Variants in USF3 observed in about 807,000 individuals in gnomAD.
USF3 encodes basic helix-loop-helix domain-containing protein USF3.
Under a neutral mutation model 157.5 loss-of-function variants are expected in USF3, and 29 were observed. That is an observed-to-expected ratio of 0.18 (90% confidence interval 0.14 to 0.25). The LOEUF (loss-of-function observed/expected upper bound fraction) is 0.25. USF3 is among the 10% of genes least tolerant of loss of function. The probability of loss-of-function intolerance (pLI) is 1.00; values close to 1 mark genes in which losing one functional copy is unlikely to be tolerated. For missense variants in USF3, 2,381 were observed against 2,667.6 expected (o/e 0.89, Z 2.37); for synonymous variants, 893 against 941.4 (o/e 0.95, Z 0.94).
At chr3:113,681,393 CCTT>C (rs899102761) in intron 1 of USF3, among the ~76,000 whole-genome samples, 15 of 152,014 alleles carry the variant, frequency 9.9e-5, no homozygotes, top group Admixed American at 3.9e-4. Flanking sequence ...TTTTTAATTT[CCTT>C]CTTAATTTGT....
chr3:113,657,888 T>C lies in USF3; in HGVS notation c.3794A>G (p.Glu1265Gly). 2.5e-6 allele frequency: 4 copies of C among 1,614,186 alleles called. No homozygotes were observed. The highest frequency in any genetic ancestry group is 3.4e-6 in the Non-Finnish European group (4 of 1,180,026). ...ASCAGLSPTS[E>G]QTTVPATVNL... The stretch of plus-strand genomic sequence containing the variant: ...AACCGTTGCAGGCACAGTTGTTTGC[T>C]CTGAAGTTGGGGATAAACCCGCACA... Residue 1265 changes from glutamate (E) to glycine (G), a missense_variant, in exon 7 of 7, where the codon GAG (glutamate) becomes GGG (glycine). Glu to Gly is a moderately conservative substitution (Grantham distance 98). This residue lies in a region of USF3 where 1,435 missense variants were observed against 1,550.9 expected (regional missense o/e 0.93). Transcript: ENST00000316407.
At chr3:113,682,090 G>C (rs1295111840) in intron 1 of USF3, among the ~76,000 whole-genome samples, 15 of 152,206 alleles carry the variant, frequency 9.9e-5, no homozygotes, top group Admixed American at 9.8e-4. Flanking sequence ...TTGGGAGGCA[G>C]AAGTGGGAGG....
In USF3 at chr3:113,660,084, A is replaced by T. The variant is rs1947453756; in HGVS notation, c.1598T>A (p.Ile533Asn). Residue 533 changes from isoleucine (I) to asparagine (N), a missense_variant, in exon 7 of 7, where the codon ATT becomes AAT. This residue lies in a region of USF3 where 1,435 missense variants were observed against 1,550.9 expected (regional missense o/e 0.93). Coordinates refer to ENST00000316407, the MANE Select transcript of USF3 (RefSeq NM_001009899.4). ...TGACCCAACTGGCTGAGCCATCTGA[A>T]TCACTTGCATTGCTGAATTCAGTGG... ...ILPLNSAMQV[I>N]QMAQPVGSAV... 6.2e-7 allele frequency: 1 copy of T among 1,614,066 alleles called. No homozygotes were observed. The highest frequency in any genetic ancestry group is 8.5e-7 in the Non-Finnish European group (1 of 1,180,044).
intron 3 of USF3, 99 bp from the exon 4 acceptor site, chr3:113,673,475 T>C (rs567446704): frequency 5.6e-6 from 4 of 719,942 alleles, no homozygotes; most frequent in South Asian, 5.0e-5. Context: ...TTTTATGAAT[T>C]TGTATTTGTT....
chr3:113,683,464 C>CTTTTTTTTTT (rs5851905), intron 1 of USF3, among the ~76,000 whole-genome samples: 15 of 87,114 alleles, frequency 1.7e-4, no homozygotes, highest in Non-Finnish European at 2.6e-4. Flanking sequence ...TTATCCCCTG[C>CTTTTTTTTTT]TTTTTTTTTT....
At position 113,649,834 on chromosome 3, in the gene USF3, C is replaced by G. The variant is rs964821881; in HGVS notation, c.*5110G>C. ...ATCTAAATTTGGTGTCCCCCCTCCA[C>G]AGGTTCTAGTAGAAACCTACGCATG... is the stretch of plus-strand genomic sequence containing the variant. On this transcript the variant is annotated 3_prime_UTR_variant, in exon 7 of 7. Coordinates refer to ENST00000316407, the MANE Select transcript of USF3 (RefSeq NM_001009899.4). 1.4e-6 allele frequency: 1 copy of G among 702,760 alleles called. No individual in the cohort carries two copies. Among genetic ancestry groups the G allele is most frequent in the Non-Finnish European group, 2.6e-6 (1 of 384,928 alleles). 43.5% of individuals were successfully genotyped at this position (702,760 alleles called of 1,614,324 possible).
chr3:113,693,669 C>T (rs1408844487), intron 1 of USF3, among the ~76,000 whole-genome samples: 2 of 152,072 alleles, frequency 1.3e-5, no homozygotes, highest in African/African-American at 4.8e-5. Flanking sequence ...AACAATGAAA[C>T]ACATACACAT....
Position 113,664,396 on chromosome 3 carries a change from AT to A in USF3, c.172del (p.Ile58SerfsTer9). The A allele has an allele frequency of 6.2e-7, 1 of 1,602,366 alleles. No homozygotes were observed. Among genetic ancestry groups the A allele is most frequent in the Non-Finnish European group, 8.5e-7 (1 of 1,173,122 alleles). ...SPALKQSKNM[I>X]LDQAFKYITE... Reference sequence around the variant, plus strand: ...TATATATTTAAAGGCTTGGTCCAGGATCATATTCTTGCTCTGTCCAAGAAAA... The same window carrying A: ...TATATATTTAAAGGCTTGGTCCAGGACATATTCTTGCTCTGTCCAAGAAAA... On this transcript the variant is annotated frameshift_variant, in exon 6 of 7. Coordinates refer to ENST00000316407, the MANE Select transcript of USF3 (RefSeq NM_001009899.4). LOFTEE classifies it high-confidence loss of function.
rs572482371 is a variant in USF3 at position 113,676,117 on chromosome 3, A to G, written c.-19+1165T>C. 3.9e-5 allele frequency among the ~76,000 whole-genome samples: 6 copies of G among 152,266 alleles called. No individual in the cohort carries two copies. The South Asian group carries it at 8.3e-4, about 21-fold the overall frequency. Reference sequence around the variant, plus strand: ...TGCCTGTCTTCTTCTGAGTCCTCCAAGTCTCTACAAAGTTCCAAACTTTCC... The same window carrying G: ...TGCCTGTCTTCTTCTGAGTCCTCCAGGTCTCTACAAAGTTCCAAACTTTCC... On this transcript the variant is annotated intron_variant, in intron 2 of 6. Transcript: ENST00000316407.
chr3:113,679,078 T>C (rs1472540326), intron 1 of USF3, among the ~76,000 whole-genome samples: 1 of 151,610 alleles, frequency 6.6e-6, no homozygotes. Context: ...CGCCGCAGTC[T>C]TCCAAAGTGC....
At chr3:113,668,883 A>G (rs1470328109) in intron 5 of USF3, among the ~76,000 whole-genome samples, 2 of 152,186 alleles carry the variant, frequency 1.3e-5, no homozygotes, top group African/African-American at 4.8e-5. Flanking sequence ...ACTGGTTGAG[A>G]ATGAAAAAGG....
Position 113,659,599 on chromosome 3 carries a change from T to C in USF3, c.2083A>G (p.Thr695Ala). Reference protein sequence around the residue: ...QTPMQIIQPTTSEDPNTNVAL... With the variant: ...QTPMQIIQPTASEDPNTNVAL... The stretch of plus-strand genomic sequence containing the variant: ...ACATTGGTATTTGGATCTTCGCTGG[T>C]GGTGGGTTGAATAATTTGCATAGGG... Residue 695 changes from threonine (T) to alanine (A), a missense_variant, in exon 7 of 7, where the codon ACC becomes GCC. Physicochemically the swap from Thr to Ala is moderately conservative, Grantham distance 58 (BLOSUM62 0). Around this residue, in one of 6 missense-constraint regions of USF3, gnomAD observed 1,435 missense variants for 1,550.9 expected, o/e 0.93. Coordinates refer to ENST00000316407, the MANE Select transcript of USF3 (RefSeq NM_001009899.4). The C allele has an allele frequency of 1.2e-6, 2 of 1,613,980 alleles. No individual in the cohort carries two copies. Among genetic ancestry groups the C allele is most frequent in the Non-Finnish European group, 8.5e-7 (1 of 1,179,842 alleles).
At chr3:113,694,078 G>A (rs1707749925) in intron 1 of USF3, among the ~76,000 whole-genome samples, 1 of 152,218 alleles carries the variant, frequency 6.6e-6, no homozygotes, top group African/African-American at 2.4e-5. Context: ...GAGTTTCTGA[G>A]GGAAGTGGCC....
chr3:113,661,244 T>A lies in USF3; in HGVS notation c.438A>T (p.Lys146Asn). The change falls in exon 7 of 7, where the codon AAA (lysine) becomes AAT (asparagine). Residue 146 changes from lysine (K) to asparagine (N), a missense_variant. By Grantham distance (94) the Lys-to-Asn change is moderately conservative. Around this residue, in one of 6 missense-constraint regions of USF3, gnomAD observed 1,435 missense variants for 1,550.9 expected, o/e 0.93. Transcript: ENST00000316407. ...VVIPSDQVQK[K>N]IIVYSNGNQP... ...GATTCCCGTTGGAATAAACAATAAT[T>A]TTTTTTTGAACCTGGTCACTAGGAA... The A allele has an allele frequency of 2.5e-6, 4 of 1,613,814 alleles. No individual in the cohort carries two copies. The highest frequency in any genetic ancestry group is 3.4e-6 in the Non-Finnish European group (4 of 1,179,888).
In USF3 at chr3:113,659,762, A is replaced by G. The variant is rs751245627; in HGVS notation, c.1920T>C (p.Pro640=). 4 of 1,614,232 alleles carry G rather than the reference A, an allele frequency of 2.5e-6. No homozygotes were observed. The Admixed American group carries it at 6.7e-5, about 27-fold the overall frequency. The stretch of plus-strand genomic sequence containing the variant: ...TTGAGTTAGACGCTGATAAAGATGA[A>G]GGTCTTGGTAATATGTGGACAAGAT... ...GKHLVHILPR[P]SSLSASNSTQ... The change falls in exon 7 of 7, where the codon CCT becomes CCC. Residue 640 remains proline, a synonymous_variant. Transcript: ENST00000316407.
At chr3:113,688,403 C>A (rs1046896080) in intron 1 of USF3, among the ~76,000 whole-genome samples, 2 of 152,224 alleles carry the variant, frequency 1.3e-5, no homozygotes, top group Non-Finnish European at 2.9e-5. Flanking sequence ...TAGGCATGAG[C>A]CACTGCACCT....
chr3:113,666,248 C>CTTTTTT (rs1232834885), intron 5 of USF3, among the ~76,000 whole-genome samples: 28 of 101,788 alleles, frequency 2.8e-4, no homozygotes, highest in African/African-American at 3.8e-4. Context: ...AGACATCTTT[C>CTTTTTT]TTTTTTTTTT....
rs556840445 is a variant in USF3, at chr3:113,675,434, T to A, written c.-18-538A>T. Among the ~76,000 whole-genome samples, 12 of 152,340 alleles carry A rather than the reference T, an allele frequency of 7.9e-5. No homozygotes were observed. The East Asian group carries it at 2.3e-3, about 29-fold the overall frequency. The stretch of plus-strand genomic sequence containing the variant: ...CTTCAAACTGCTAGAAGTCTCATAT[T>A]ATCATTTGACTGTCATTAAAATCTG... On this transcript the variant is annotated intron_variant, in intron 2 of 6. Coordinates refer to ENST00000316407, the MANE Select transcript of USF3 (RefSeq NM_001009899.4).
intron 5 of USF3, among the ~76,000 whole-genome samples, chr3:113,664,693 T>C (rs1947536838): frequency 6.6e-6 from 1 of 152,084 alleles, no homozygotes; most frequent in African/African-American, 2.4e-5. Context: ...AGGAATGCTA[T>C]GAAGAAATAT....
Sources: allele counts gnomAD v4.1 joint callset (sites outside exome capture counted in the v4.1 genomes callset), GRCh38; gene constraint gnomAD v4.1.1; regional missense constraint gnomAD v4.1.1; transcripts MANE v1.5; gene names NCBI Gene and HGNC (gene_info 2026-07-23, HGNC 2026-07-21).